SLC20A2: variants seen among roughly 807,000 people sequenced by gnomAD.
SLC20A2 encodes the protein sodium-dependent phosphate transporter 2.
In SLC20A2, 30 loss-of-function variants were observed where a neutral mutation model predicts 61.0. The ratio of observed to expected loss-of-function variants is 0.49; its 90% CI spans 0.37 to 0.67. SLC20A2 has a LOEUF of 0.67. Among genes scored for constraint, SLC20A2 ranks in the 30% least tolerant of loss-of-function variants. SLC20A2 has a pLI of 0.00. For synonymous variants in SLC20A2, 351 were observed against 353.3 expected (o/e 0.99, Z 0.07); for missense variants, 626 against 866.4 (o/e 0.72, Z 3.48).
chr8:42,540,628 T>C (rs1046256446), intron 1 of SLC20A2, among the ~76,000 whole-genome samples: 9 of 152,202 alleles, frequency 5.9e-5, no homozygotes, highest in African/African-American at 2.2e-4. Context: ...AAACAAAGAA[T>C]AGAAAACTTG....
chr8:42,455,648 T>C (rs1806141138), intron 5 of SLC20A2, among the ~76,000 whole-genome samples: 1 of 149,990 alleles, frequency 6.7e-6, no homozygotes, highest in South Asian at 2.1e-4. Flanking sequence ...ACACTCCGTC[T>C]CAAAAAAAAA....
At chr8:42,439,364 G>C in intron 7 of SLC20A2, 86 bp downstream of exon 7, 1 of 1,292,760 alleles carries the variant, frequency 7.7e-7, no homozygotes, top group Non-Finnish European at 1.1e-6. Context: ...ATTAAAACCA[G>C]ATTGCCCACA....
chr8:42,437,278 C>T lies in SLC20A2; in HGVS notation c.1234G>A (p.Asp412Asn). ...GTGTCGCCCACCAGCTTCTCACTGT[C>T]CTCTGGGGCCGATGAGTCCGCAGCT... ...FRAADSSAPEDSEKLVGDTVS... is the reference protein window; with the variant it reads ...FRAADSSAPENSEKLVGDTVS... Residue 412 changes from aspartate (D) to asparagine (N), a missense_variant, in exon 8 of 11, where the codon GAC (aspartate) becomes AAC (asparagine). By Grantham distance (23) the Asp-to-Asn change is conservative. Coordinates refer to ENST00000520262, the MANE Select transcript of SLC20A2 (RefSeq NM_001257180.2). This position sits in a 1 kb window ranked among gnomAD's most constrained non-coding sequence, Gnocchi z 6.4. 1 of 1,614,148 alleles carries T rather than the reference C, an allele frequency of 6.2e-7. No individual in the cohort carries two copies. Among genetic ancestry groups the T allele is most frequent in the Non-Finnish European group, 8.5e-7 (1 of 1,180,036 alleles).
upstream of SLC20A2, among the ~76,000 whole-genome samples, chr8:42,503,470 T>C (rs944157039): frequency 6.6e-6 from 1 of 152,212 alleles, no homozygotes; most frequent in East Asian, 1.9e-4. Flanking sequence ...ACCAACCTTC[T>C]ATGAGCAGTT....
intron 1 of SLC20A2, among the ~76,000 whole-genome samples, chr8:42,537,125 G>A (rs540993734): frequency 6.0e-5 from 9 of 151,046 alleles, no homozygotes; most frequent in South Asian, 2.1e-4. Flanking sequence ...GCTCACTGAC[G>A]TACCCAGCAC....
chr8:42,424,260 AC>A (rs2130934481), intron 10 of SLC20A2, among the ~76,000 whole-genome samples: 1 of 151,652 alleles, frequency 6.6e-6, no homozygotes, highest in South Asian at 2.1e-4. Context: ...CTGAAACATA[AC>A]ATCTGAGGAT....
At chr8:42,476,221 G>C (rs1023632428) in intron 1 of SLC20A2, among the ~76,000 whole-genome samples, 13 of 147,832 alleles carry the variant, frequency 8.8e-5, no homozygotes, top group South Asian at 4.4e-4. Context: ...CTCAGCCTCC[G>C]AAGTAGCTGG....
At chr8:42,523,295 A>T (rs1297489095) in intron 1 of SLC20A2, among the ~76,000 whole-genome samples, 1 of 152,124 alleles carries the variant, frequency 6.6e-6, no homozygotes, top group Non-Finnish European at 1.5e-5. Flanking sequence ...GTGCCATTGC[A>T]CTCCAGCCTG....
chr8:42,487,796 G>A lies in SLC20A2; in HGVS notation c.-265+13235C>T, dbSNP rs138625318. On this transcript the variant is annotated intron_variant, in intron 1 of 10. Coordinates refer to ENST00000520262, the MANE Select transcript of SLC20A2 (RefSeq NM_001257180.2). Reference sequence around the variant, plus strand: ...ATTTGAAAGTGTACGGTTCAGTGGCGTTAGGTATATTCACAGTGCTGTGCA... The same window carrying A: ...ATTTGAAAGTGTACGGTTCAGTGGCATTAGGTATATTCACAGTGCTGTGCA... Among the ~76,000 whole-genome samples the A allele has an allele frequency of 7.2e-3, 1,104 of 152,278 alleles. 6 individuals carry two copies. Among genetic ancestry groups the A allele is most frequent in the African/African-American group, 0.025 (1,030 of 41,554 alleles).
At position 42,417,875 on chromosome 8, in the gene SLC20A2, G is replaced by T. The variant is rs754116669; in HGVS notation, c.1887C>A (p.Thr629=). 1.2e-6 allele frequency: 2 copies of T among 1,614,032 alleles called. No homozygotes were observed. Among genetic ancestry groups the T allele is most frequent in the Admixed American group, 3.3e-5 (2 of 60,008 alleles). Residue 629 remains threonine, a synonymous_variant, in exon 11 of 11, where the codon ACC becomes ACA. Transcript: ENST00000520262. The part of the protein sequence containing the change: ...FRNIFVAWFV[T]VPVAGLFSAA... Reference sequence around the variant, plus strand: ...CGCTGAACAGCCCAGCCACAGGGACGGTCACGAACCAGGCCACGAAGATGT... The same window carrying T: ...CGCTGAACAGCCCAGCCACAGGGACTGTCACGAACCAGGCCACGAAGATGT...
At chr8:42,443,406 C>G (rs377104166) in intron 6 of SLC20A2, among the ~76,000 whole-genome samples, 41 of 150,570 alleles carry the variant, frequency 2.7e-4, no homozygotes, top group Admixed American at 6.6e-4. Flanking sequence ...CCTCTGCCCC[C>G]CCGGGTTCAA....
chr8:42,523,435 T>C (rs1811724259), intron 1 of SLC20A2, among the ~76,000 whole-genome samples: 2 of 152,162 alleles, frequency 1.3e-5, no homozygotes, highest in African/African-American at 2.4e-5. Context: ...TGCAAGTAAA[T>C]GGGTATTTAA....
upstream of SLC20A2, among the ~76,000 whole-genome samples, chr8:42,505,969 A>ATTTT (rs1169390273): frequency 6.6e-6 from 1 of 151,500 alleles, no homozygotes; most frequent in Non-Finnish European, 1.5e-5. Flanking sequence ...TATTTTATTT[A>ATTTT]TTTATTTTGA....
chr8:42,466,890 G>A (rs560449888), intron 2 of SLC20A2, among the ~76,000 whole-genome samples: 4 of 152,074 alleles, frequency 2.6e-5, no homozygotes, highest in Admixed American at 6.6e-5. Context: ...GGCTGGTTTG[G>A]AACTCCTGGC....
chr8:42,517,228 C>T lies in SLC20A2; in HGVS notation c.-265+24593G>A, dbSNP rs561965063. On this transcript the variant is annotated intron_variant, in intron 1 of 10. Transcript: ENST00000342228. ...TTTAAAATGTGCTATTCAGGCTGGG[C>T]GAGGTGGCTCATGCCTGTAATCCCA... 3.9e-5 allele frequency among the ~76,000 whole-genome samples: 6 copies of T among 151,998 alleles called. No homozygotes were observed. The South Asian group carries it at 6.2e-4, about 16-fold the overall frequency.
chr8:42,535,002 A>T (rs946843686), intron 1 of SLC20A2: 1 of 152,044 alleles, frequency 6.6e-6, no homozygotes. Context: ...AGAAACAACT[A>T]AAAAAAATGT....
intron 5 of SLC20A2, 33 bp downstream of exon 5, chr8:42,459,863 T>C: frequency 7.3e-7 from 1 of 1,371,266 alleles, no homozygotes; most frequent in Non-Finnish European, 1.0e-6. Context: ...CAATGCACTT[T>C]GCCCCTGGAG....
At chr8:42,482,523 C>T (rs1011193339) in intron 1 of SLC20A2, among the ~76,000 whole-genome samples, 2 of 152,048 alleles carry the variant, frequency 1.3e-5, no homozygotes, top group Non-Finnish European at 2.9e-5. Flanking sequence ...TCAAGGTGGG[C>T]GGATCACTTG....
chr8:42,453,898 G>A (rs1805930165), intron 5 of SLC20A2, among the ~76,000 whole-genome samples: 1 of 152,174 alleles, frequency 6.6e-6, no homozygotes, highest in Non-Finnish European at 1.5e-5. Context: ...ATGACTGATG[G>A]TAACAAAACA....
Sources: gnomAD v4.1 joint callset for allele counts (sites outside exome capture counted in the v4.1 genomes callset) on GRCh38, gnomAD v4.1.1 for gene constraint, Gnocchi (gnomAD v3.1) non-coding constraint, MANE v1.5 for transcripts, NCBI Gene and HGNC (gene_info 2026-07-23, HGNC 2026-07-21) for gene names.